Variants in FBRSL1 observed in about 807,000 individuals in gnomAD.
FBRSL1 encodes fibrosin like 1.
Under a neutral mutation model 89.6 loss-of-function variants are expected in FBRSL1, and 51 were observed. The ratio of observed to expected loss-of-function variants is 0.57; its 90% CI spans 0.45 to 0.72. The LOEUF is 0.72. Ranked by LOEUF, FBRSL1 falls within the 30% of genes least tolerant of loss-of-function variation. FBRSL1 has a pLI of 0.00. For missense variants in FBRSL1, 1,618 were observed against 1,451.8 expected, an observed-to-expected ratio of 1.11 and a Z score of -1.86; for synonymous variants, 779 against 681.1, an observed-to-expected ratio of 1.14 and a Z score of -2.24.
intron 1 of FBRSL1, among the ~76,000 whole-genome samples, chr12:132,495,774 C>G (rs2136344568): frequency 6.6e-6 from 1 of 152,342 alleles, no homozygotes. Flanking sequence ...GTCGCTGGCC[C>G]CTCGGTCCAC....
rs1307101269 is a variant in FBRSL1 at position 132,499,929 on chromosome 12, G to A, written c.292-8224G>A. 1.3e-5 allele frequency among the ~76,000 whole-genome samples: 2 copies of A among 152,122 alleles called. No homozygotes were observed. Among genetic ancestry groups the A allele is most frequent in the African/African-American group, 4.8e-5 (2 of 41,410 alleles). ...TTGTGAGCTGGCCTGTGGGGTGGAT[G>A]GGGTTCCCCAGAGCTGTGCTGGCGT... On this transcript the variant is annotated intron_variant, in intron 1 of 18. Transcript: ENST00000680143. This position sits in a 1 kb window ranked among gnomAD's most constrained non-coding sequence, Gnocchi z 4.3.
Position 132,490,742 on chromosome 12 carries a change from GC to G in FBRSL1, c.177del (p.Ala60ArgfsTer43). ...CCGCGGCGCGCCCCCCCGAGGCGCCGCCCCCGCGCCCCGCACCGCGCGTCCC... is the reference window on the plus strand; with the variant it reads ...CCGCGGCGCGCCCCCCCGAGGCGCCGCCCCGCGCCCCGCACCGCGCGTCCC... The part of the protein sequence containing the change: ...GLRGAPPRGA[A>X]PAPRTARPPR... On this transcript the variant is annotated frameshift_variant, in exon 1 of 19. Coordinates refer to ENST00000680143, the MANE Select transcript of FBRSL1 (RefSeq NM_001367871.1). The G allele has an allele frequency of 9.8e-7, 1 of 1,015,912 alleles. No individual in the cohort carries two copies. Among genetic ancestry groups the G allele is most frequent in the Non-Finnish European group, 1.2e-6 (1 of 853,420 alleles). The allele number at this position is 1,015,912 out of a possible 1,614,324, so 62.9% of individuals were successfully genotyped here. A position where few individuals can be genotyped will look rare whatever the true frequency, so the allele number is the denominator to read the frequency against.
chr12:132,563,718 CCG>C, intron 5 of FBRSL1, among the ~76,000 whole-genome samples: 1 of 138,068 alleles, frequency 7.2e-6, no homozygotes, highest in Admixed American at 7.1e-5. Flanking sequence ...ATACCCACCC[CCG>C]TCGCCCCTGA....
intron 5 of FBRSL1, among the ~76,000 whole-genome samples, chr12:132,550,537 C>A (rs1415522568): frequency 6.6e-6 from 1 of 152,130 alleles, no homozygotes; most frequent in African/African-American, 2.4e-5. Flanking sequence ...GCAGGGGCCT[C>A]TCCTTGTTGG....
At position 132,570,126 on chromosome 12, in the gene FBRSL1, A is replaced by ACCCCGCAGCCGCCAC. The variant is rs763269521; in HGVS notation, c.903_917dup (p.Pro302_Pro306dup). The ACCCCGCAGCCGCCAC allele has an allele frequency of 3.4e-6, 5 of 1,473,430 alleles. No homozygotes were observed. Among genetic ancestry groups the ACCCCGCAGCCGCCAC allele is most frequent in the Middle Eastern group, 2.1e-4 (1 of 4,762 alleles). 91.3% of individuals were successfully genotyped at this position (1,473,430 alleles called of 1,614,324 possible). On this transcript the variant is annotated inframe_insertion, in exon 7 of 19. Transcript: ENST00000680143. The stretch of plus-strand genomic sequence containing the variant: ...GGAACCCCCCGCCCCGCACCGCCAC[A>ACCCCGCAGCCGCCAC]CCCCGCAGCCGCCACCCCCGCAGCC...
chr12:132,548,248 G>A (rs772807210), intron 5 of FBRSL1, among the ~76,000 whole-genome samples: 7 of 152,160 alleles, frequency 4.6e-5, no homozygotes, highest in South Asian at 2.1e-4. Flanking sequence ...GGCCGGTACC[G>A]TGTCTGGAGG....
intron 8 of FBRSL1, 57 bp downstream of exon 8, chr12:132,570,597 G>A (rs2039943551): frequency 9.4e-6 from 13 of 1,378,960 alleles, no homozygotes; most frequent in East Asian, 8.0e-5. Context: ...GCGGGGACAC[G>A]GCCACCGGGG....
chr12:132,583,813 C>A lies in FBRSL1; in HGVS notation c.*35C>A. Reference sequence around the variant, plus strand: ...CGCAGACGCCTCTCCGAGCGGAGCGCACCGCTGTCCGTCTCTCCATCAGTT... The same window carrying A: ...CGCAGACGCCTCTCCGAGCGGAGCGAACCGCTGTCCGTCTCTCCATCAGTT... On this transcript the variant is annotated 3_prime_UTR_variant, in exon 19 of 19. Coordinates refer to ENST00000680143, the MANE Select transcript of FBRSL1 (RefSeq NM_001367871.1). 1 of 1,140,370 alleles carries A rather than the reference C, an allele frequency of 8.8e-7. No homozygotes were observed. Among genetic ancestry groups the A allele is most frequent in the Non-Finnish European group, 1.1e-6 (1 of 914,254 alleles). The allele number at this position is 1,140,370 out of a possible 1,614,324, so 70.6% of individuals were successfully genotyped here.
In FBRSL1 at chr12:132,570,111, GC is replaced by G; in HGVS notation, c.881del (p.Pro294ArgfsTer133). On this transcript the variant is annotated frameshift_variant, in exon 7 of 19. Transcript: ENST00000680143. LOFTEE classifies it high-confidence loss of function. ...ANPLVKKEPP[A>X]PHRHTPQPPP... The stretch of plus-strand genomic sequence containing the variant: ...TCCCTTGGTGAAGAAGGAACCCCCC[GC>G]CCCGCACCGCCACACCCCGCAGCCG... 1 of 1,474,716 alleles carries G rather than the reference GC, an allele frequency of 6.8e-7. No individual in the cohort carries two copies. Among genetic ancestry groups the G allele is most frequent in the African/African-American group, 1.5e-5 (1 of 67,554 alleles). 91.4% of individuals were successfully genotyped at this position (1,474,716 alleles called of 1,614,324 possible). A position where few individuals can be genotyped will look rare whatever the true frequency, so the allele number is the denominator to read the frequency against.
intron 11 of FBRSL1, among the ~76,000 whole-genome samples, chr12:132,572,975 T>TA (rs1461506799): frequency 6.6e-6 from 1 of 152,120 alleles, no homozygotes; most frequent in East Asian, 1.9e-4. Flanking sequence ...AGGAGGTTCT[T>TA]ACGGGGCCAT....
At chr12:132,547,459 G>A (rs540975987) in intron 4 of FBRSL1, among the ~76,000 whole-genome samples, 50 of 152,292 alleles carry the variant, frequency 3.3e-4, no homozygotes, top group Non-Finnish European at 5.7e-4. Context: ...CCCTCCGTGC[G>A]CTGCCAGCCC....
chr12:132,524,163 G>C (rs1045990988), intron 2 of FBRSL1, among the ~76,000 whole-genome samples: 1 of 152,222 alleles, frequency 6.6e-6, no homozygotes, highest in East Asian at 1.9e-4. Flanking sequence ...TCGCTTGCCC[G>C]AGGCCACAGT....
chr12:132,578,343 T>TCTCTCACACACACACACACA (rs147345475), intron 15 of FBRSL1, among the ~76,000 whole-genome samples: 7 of 141,006 alleles, frequency 5.0e-5, no homozygotes, highest in South Asian at 2.4e-4. Context: ...AGACCCTGTC[T>TCTCTCACACACACACACACA]CACACACACA....
At chr12:132,582,337 C>A (rs2040820216) in intron 18 of FBRSL1, 71 bp downstream of exon 18, 2 of 1,334,942 alleles carry the variant, frequency 1.5e-6, no homozygotes, top group African/African-American at 1.5e-5. Flanking sequence ...CCCGTCATCC[C>A]CGGTTCCCCC....
At chr12:132,511,207 C>T in intron 2 of FBRSL1, 1 of 985,516 alleles carries the variant, frequency 1.0e-6, no homozygotes, top group Non-Finnish European at 1.2e-6. Flanking sequence ...TCTCAGGACT[C>T]TGCCTCCACC....
Position 132,569,973 on chromosome 12 carries a change from G to T in FBRSL1, c.739G>T (p.Val247Leu), listed in dbSNP as rs1179806030. 5 of 1,459,774 alleles carry T rather than the reference G, an allele frequency of 3.4e-6. No individual in the cohort carries two copies. Among genetic ancestry groups the T allele is most frequent in the African/African-American group, 1.5e-5 (1 of 67,530 alleles). The allele number at this position is 1,459,774 out of a possible 1,614,324, so 90.4% of individuals were successfully genotyped here. A position where few individuals can be genotyped will look rare whatever the true frequency, so the allele number is the denominator to read the frequency against. ...GGCCAAGGCCGGGCCGGTGCCCAAG[G>T]TGTCAGGCCTGGAGCGCAGCCGCGA... ...SEAKAGPVPK[V>L]SGLERSRELS... Residue 247 changes from valine (V) to leucine (L), a missense_variant, in exon 7 of 19, where the codon GTG (valine) becomes TTG (leucine). Transcript: ENST00000680143.
intron 5 of FBRSL1, among the ~76,000 whole-genome samples, chr12:132,555,579 C>G (rs1239412795): frequency 1.3e-5 from 2 of 152,184 alleles, no homozygotes. Context: ...GCGTGGGGGC[C>G]ACACCCACAA....
At chr12:132,503,327 G>A (rs2033263798) in intron 1 of FBRSL1, among the ~76,000 whole-genome samples, 1 of 152,252 alleles carries the variant, frequency 6.6e-6, no homozygotes, top group Non-Finnish European at 1.5e-5. Context: ...CATAGGAGCA[G>A]CTGGGCACGA....
At chr12:132,542,683 C>T (rs1252487798) in intron 4 of FBRSL1, among the ~76,000 whole-genome samples, 1 of 152,212 alleles carries the variant, frequency 6.6e-6, no homozygotes, top group African/African-American at 2.4e-5. Flanking sequence ...CTCCGCAGGA[C>T]AGCCCCTTGG....
Sources: gnomAD v4.1 joint callset for allele counts (sites outside exome capture counted in the v4.1 genomes callset) on GRCh38, gnomAD v4.1.1 for gene constraint, Gnocchi (gnomAD v3.1) non-coding constraint, MANE v1.5 for transcripts, NCBI Gene and HGNC (gene_info 2026-07-23, HGNC 2026-07-21) for gene names.